The following CD33 variants were observed in gnomAD, a reference collection of about 807,000 sequenced individuals.
The protein encoded by CD33 is myeloid cell surface antigen CD33.
CD33 carries 25 observed loss-of-function variants against 31.4 expected under a neutral mutation model. The observed-to-expected ratio is 0.80, with a 90% CI of 0.58 to 1.11. The LOEUF is 1.11. Among genes scored for constraint, CD33 ranks in the 50% most tolerant of loss-of-function variants. CD33 has a pLI of 0.00. For synonymous variants in CD33, 176 were observed against 180.6 expected, an observed-to-expected ratio of 0.97 and a Z score of 0.20; for missense variants, 407 against 448.1, an observed-to-expected ratio of 0.91 and a Z score of 0.83.
rs770176670 is a variant in CD33 at position 51,225,792 on chromosome 19, C to G, written c.419-11C>G. ...CCTCCTGATTCTGCATCCCCTCTTT[C>G]TCCTCACTAGACTTGACCCACAGGC... On this transcript the variant is annotated splice_polypyrimidine_tract_variant and intron_variant, in intron 2 of 6. Coordinates refer to ENST00000262262, the MANE Select transcript of CD33 (RefSeq NM_001772.4). 3.1e-6 allele frequency: 5 copies of G among 1,610,136 alleles called. No individual in the cohort carries two copies. The highest frequency in any genetic ancestry group is 4.2e-6 in the Non-Finnish European group (5 of 1,177,192).
the CD33 span, among the ~76,000 whole-genome samples, chr19:51,219,326 A>C: frequency 2.6e-5 from 4 of 151,990 alleles, no homozygotes; most frequent in African/African-American, 9.7e-5. Context: ...CTGTTAGATT[A>C]CTGTTGGTGT....
chr19:51,225,642 G>A (rs753481468), intron 2 of CD33, 44 bp downstream of exon 2: 2 of 1,538,788 alleles, frequency 1.3e-6, no homozygotes, highest in Admixed American at 2.0e-5. Flanking sequence ...AAGTTCATGG[G>A]TACTGCAGGG....
the CD33 span, chr19:51,211,076 A>C: frequency 2.1e-6 from 3 of 1,456,136 alleles, no homozygotes; most frequent in Non-Finnish European, 2.9e-6. Flanking sequence ...TTCTCTGCTC[A>C]CACAGGAAGC....
chr19:51,239,890 T>G lies in CD33; in HGVS notation c.*202T>G. ...AATCTGTGCTCTTTCATTTGCTAAG[T>G]GTATGATGTCACACAAGCTCCTTAA... is the stretch of plus-strand genomic sequence containing the variant. On this transcript the variant is annotated 3_prime_UTR_variant, in exon 7 of 7. Transcript: ENST00000262262. 1 of 434,534 alleles carries G rather than the reference T, an allele frequency of 2.3e-6. No homozygotes were observed. The highest frequency in any genetic ancestry group is 4.1e-6 in the Non-Finnish European group (1 of 246,552). 26.9% of individuals were successfully genotyped at this position (434,534 alleles called of 1,614,324 possible).
the CD33 span, chr19:51,211,806 C>A: frequency 1.1e-6 from 1 of 889,676 alleles, no homozygotes; most frequent in Non-Finnish European, 1.9e-6. Context: ...GACCCACAGG[C>A]CCAGCATCTT....
intron 6 of CD33, chr19:51,237,627 G>A (rs1052191013): frequency 4.6e-5 from 7 of 152,288 alleles, no homozygotes; most frequent in African/African-American, 1.7e-4. Flanking sequence ...GGACAGTGTG[G>A]ATAAGGCAGA....
chr19:51,211,481 G>A, the CD33 span: 2 of 1,563,096 alleles, frequency 1.3e-6, no homozygotes, highest in African/African-American at 2.7e-5. Context: ...TGCTCCCTGA[G>A]CATCGTAGAC....
At chr19:51,215,184 T>C in the CD33 span, among the ~76,000 whole-genome samples, 1 of 152,048 alleles carries the variant, frequency 6.6e-6, no homozygotes, top group Non-Finnish European at 1.5e-5. Flanking sequence ...AATCCCAGAA[T>C]CTCAATCATG....
the CD33 span, among the ~76,000 whole-genome samples, chr19:51,212,595 C>CACACACAG: frequency 6.6e-6 from 1 of 151,360 alleles, no homozygotes; most frequent in East Asian, 2.0e-4. Flanking sequence ...GGGTGATATT[C>CACACACAG]ACACACAGAC....
At chr19:51,222,454 G>T (rs1477633226), upstream of CD33, among the ~76,000 whole-genome samples, 2 of 152,204 alleles carry the variant, frequency 1.3e-5, no homozygotes, top group Admixed American at 1.3e-4. Context: ...TACCTGTAGG[G>T]AGAAAACTGG....
intron 4 of CD33, among the ~76,000 whole-genome samples, chr19:51,233,410 A>T (rs920102255): frequency 1.3e-5 from 2 of 152,200 alleles, no homozygotes; most frequent in Admixed American, 6.5e-5. Context: ...GTCCCAGCCA[A>T]TCCTGGGCCC....
Position 51,225,155 on chromosome 19 carries a change from G to A in CD33, c.37G>A (p.Gly13Arg), listed in dbSNP as rs760101289. ...LLLLLPLLWAGALAMDPNFWL... is the reference protein window; with the variant it reads ...LLLLLPLLWARALAMDPNFWL... ...GCTACTGCTGCCCCTGCTGTGGGCA[G>A]GTGAGTGGCTGTGGGGAGAGGGGTT... The change falls in exon 1 of 7, where the codon GGG becomes AGG. Residue 13 changes from glycine (G) to arginine (R), a missense_variant and splice_region_variant. Gly to Arg is a moderately radical substitution (Grantham distance 125). Transcript: ENST00000262262. The A allele has an allele frequency of 6.2e-7, 1 of 1,613,942 alleles. No individual in the cohort carries two copies. Among genetic ancestry groups the A allele is most frequent in the East Asian group, 2.2e-5 (1 of 44,884 alleles).
chr19:51,235,017 G>T, intron 4 of CD33, 140 bp from the exon 5 acceptor site: 1 of 650,606 alleles, frequency 1.5e-6, no homozygotes, highest in South Asian at 1.8e-5. Flanking sequence ...GGTCAATATT[G>T]ATGTCTATGA....
At chr19:51,236,044 GCTA>G in intron 6 of CD33, 1 of 549,404 alleles carries the variant, frequency 1.8e-6, no homozygotes, top group South Asian at 1.9e-5. Flanking sequence ...TGTAGTCCCA[GCTA>G]CTTGGGAGGC....
the CD33 span, among the ~76,000 whole-genome samples, chr19:51,215,731 G>T: frequency 3.9e-5 from 6 of 152,078 alleles, no homozygotes; most frequent in Non-Finnish European, 5.9e-5. Flanking sequence ...TCTCCACCTT[G>T]ACCTCCCCAC....
chr19:51,226,150 A>AGGCCTGG, intron 3 of CD33, 69 bp downstream of exon 3: 3 of 1,572,462 alleles, frequency 1.9e-6, no homozygotes, highest in Non-Finnish European at 1.7e-6. Flanking sequence ...GGTGCTGGGG[A>AGGCCTGG]CATTTAGTGT....
chr19:51,214,431 C>T, the CD33 span, among the ~76,000 whole-genome samples: 1 of 147,666 alleles, frequency 6.8e-6, no homozygotes, highest in Admixed American at 6.7e-5. Context: ...TTTCTGACCT[C>T]GTGATCTGCC....
chr19:51,219,426 T>C, the CD33 span, among the ~76,000 whole-genome samples: 2 of 152,172 alleles, frequency 1.3e-5, no homozygotes, highest in Non-Finnish European at 2.9e-5. Flanking sequence ...TTTGAAGGAG[T>C]CCTTAGAGTT....
At chr19:51,220,234 G>A (rs148089918), upstream of CD33, among the ~76,000 whole-genome samples, 1,367 of 152,212 alleles carry the variant, frequency 9.0e-3, 5 homozygotes, top group Non-Finnish European at 0.013. Flanking sequence ...ATTCAATCTT[G>A]GCAGAATCTT....
Sources: allele counts gnomAD v4.1 joint callset (sites outside exome capture counted in the v4.1 genomes callset), GRCh38; gene constraint gnomAD v4.1.1; transcripts MANE v1.5; gene names NCBI Gene and HGNC (gene_info 2026-07-23, HGNC 2026-07-21).